The following CD109 variants were observed in gnomAD, a reference collection of about 807,000 sequenced individuals.
CD109 encodes CD109 antigen.
A neutral mutation model predicts 165.8 loss-of-function variants in CD109; 149 were observed. The observed-to-expected ratio is 0.90, with a 90% CI of 0.79 to 1.03. The LOEUF is 1.03. Among genes scored for constraint, CD109 ranks in the 50% least tolerant of loss-of-function variants. CD109 has a pLI of 0.00. For synonymous variants in CD109, 585 were observed against 592.1 expected, an observed-to-expected ratio of 0.99 and a Z score of 0.18; for missense variants, 1,712 against 1,677.8, an observed-to-expected ratio of 1.02 and a Z score of -0.36.
chr6:73,699,247 C>A (rs1770968653), intron 2 of CD109, among the ~76,000 whole-genome samples: 1 of 152,046 alleles, frequency 6.6e-6, no homozygotes, highest in South Asian at 2.1e-4. Flanking sequence ...AAAAAACCAC[C>A]TATTGGGTAC....
chr6:73,788,682 T>C (rs1774794782), intron 22 of CD109, 70 bp downstream of exon 22: 5 of 1,391,300 alleles, frequency 3.6e-6, no homozygotes, highest in Admixed American at 5.1e-5. Flanking sequence ...CTTGTAATTA[T>C]AGATGTATTT....
chr6:73,766,048 A>T lies in CD109; in HGVS notation c.1226A>T (p.Asn409Ile). The change falls in exon 11 of 33, where the codon AAT (asparagine) becomes ATT (isoleucine). Residue 409 changes from asparagine to isoleucine, a missense_variant. By Grantham distance (149) the Asn-to-Ile change is moderately radical. Coordinates refer to ENST00000287097, the MANE Select transcript of CD109 (RefSeq NM_133493.5). The part of the protein sequence containing the change: ...TEYWSGSNSG[N>I]QKMEAVQKIN... ...TACTGGAGCGGATCTAACAGTGGAA[A>T]TCAGAAAATGGAAGCTGTTCAGAAA... 6.2e-7 allele frequency: 1 copy of T among 1,614,076 alleles called. No homozygotes were observed. The highest frequency in any genetic ancestry group is 2.2e-5 in the East Asian group (1 of 44,872).
In CD109 at chr6:73,697,542, G is replaced by GCCT; in HGVS notation, c.217_218insCCT (p.Val73delinsAlaPhe). 6.2e-7 allele frequency: 1 copy of GCCT among 1,614,052 alleles called. No homozygotes were observed. Among genetic ancestry groups the GCCT allele is most frequent in the Non-Finnish European group, 8.5e-7 (1 of 1,179,976 alleles). ...GACAGCATCAAACCTCACTGTCTCT[G>GCCT]TCCTGGAAGCAGAAGGAGTCTTTGA... On this transcript the variant is annotated protein_altering_variant, in exon 2 of 33. Transcript: ENST00000287097.
chr6:73,756,100 T>C (rs1773380270), intron 5 of CD109, among the ~76,000 whole-genome samples: 1 of 152,206 alleles, frequency 6.6e-6, no homozygotes, highest in African/African-American at 2.4e-5. Context: ...CCACATAGGA[T>C]GTATTGATTT....
At chr6:73,727,912 T>C (rs575891558) in intron 3 of CD109, among the ~76,000 whole-genome samples, 2 of 152,238 alleles carry the variant, frequency 1.3e-5, no homozygotes, top group East Asian at 3.9e-4. Flanking sequence ...CTTGAGAAAA[T>C]AGAATTTAAG....
intron 25 of CD109, 65 bp from the exon 26 acceptor site, chr6:73,808,018 T>G: frequency 6.9e-7 from 1 of 1,443,796 alleles, no homozygotes; most frequent in Non-Finnish European, 9.5e-7. Flanking sequence ...TCAAAGTACT[T>G]TTTGTTTCAG....
At chr6:73,820,302 G>C (rs1318702677) in intron 31 of CD109, among the ~76,000 whole-genome samples, 159 bp from the exon 32 acceptor site, 2 of 152,178 alleles carry the variant, frequency 1.3e-5, no homozygotes, top group African/African-American at 2.4e-5. Flanking sequence ...AGTTAAATAA[G>C]ATAGTTCATA....
chr6:73,784,947 G>A (rs1010573231), intron 19 of CD109, among the ~76,000 whole-genome samples: 8 of 152,152 alleles, frequency 5.3e-5, no homozygotes, highest in African/African-American at 1.9e-4. Flanking sequence ...TGAAAGAAGA[G>A]CAAATTGCTT....
upstream of CD109, among the ~76,000 whole-genome samples, chr6:73,693,694 G>A (rs1770729174): frequency 6.6e-6 from 1 of 152,154 alleles, no homozygotes; most frequent in Middle Eastern, 3.4e-3. Flanking sequence ...TTTATTACAG[G>A]TATGTGCCAC....
intron 3 of CD109, among the ~76,000 whole-genome samples, chr6:73,729,615 C>T (rs534592161): frequency 2.0e-5 from 3 of 151,784 alleles, no homozygotes; most frequent in South Asian, 2.1e-4. Context: ...CATGTTCAAG[C>T]GATTCTCCTG....
chr6:73,789,101 G>A (rs180783433), intron 22 of CD109, among the ~76,000 whole-genome samples: 138 of 152,298 alleles, frequency 9.1e-4, no homozygotes, highest in Middle Eastern at 6.8e-3. Context: ...TACTAAGTCA[G>A]AATCACTTGG....
At chr6:73,748,679 A>C (rs982048199) in intron 5 of CD109, among the ~76,000 whole-genome samples, 1 of 152,234 alleles carries the variant, frequency 6.6e-6, no homozygotes, top group Non-Finnish European at 1.5e-5. Context: ...TGGGGTAGGA[A>C]CTGGACACCT....
intron 2 of CD109, among the ~76,000 whole-genome samples, chr6:73,701,735 C>T (rs1771089206): frequency 6.6e-6 from 1 of 152,130 alleles, no homozygotes; most frequent in Non-Finnish European, 1.5e-5. Flanking sequence ...TATAACCTTT[C>T]TCCCTCATTA....
intron 5 of CD109, among the ~76,000 whole-genome samples, chr6:73,744,093 G>T (rs58848063): frequency 1.3e-5 from 2 of 152,202 alleles, no homozygotes; most frequent in Non-Finnish European, 2.9e-5. Flanking sequence ...TAAAAGTTAA[G>T]TAGCATCAGG....
chr6:73,783,797 T>G lies in CD109; in HGVS notation c.2196T>G (p.Gly732=), dbSNP rs1774591537. The change falls in exon 19 of 33, where the codon GGT becomes GGG. Residue 732 remains glycine, a synonymous_variant. Coordinates refer to ENST00000287097, the MANE Select transcript of CD109 (RefSeq NM_133493.5). ...ATGFVISEDL[G]LGLTTTPVEL... ...GTTTTGTGATCTCTGAGGACCTGGG[T>G]CTTGGACTAACAACTACTCCAGTGG... The G allele has an allele frequency of 6.2e-7, 1 of 1,607,900 alleles. No homozygotes were observed. The highest frequency in any genetic ancestry group is 8.5e-7 in the Non-Finnish European group (1 of 1,174,744).
Position 73,763,614 on chromosome 6 carries a change from C to A in CD109, c.1036C>A (p.Gln346Lys). ...TGTAAGCACTAATGTGTTCTTCAAG[C>A]AACATGATTACATCATTGAGTTTTT... ...RNVSTNVFFK[Q>K]HDYIIEFFDY... Residue 346 changes from glutamine (Q) to lysine (K), a missense_variant, in exon 10 of 33, where the codon CAA becomes AAA. Transcript: ENST00000287097. 2 of 1,593,126 alleles carry A rather than the reference C, an allele frequency of 1.3e-6. No homozygotes were observed. The highest frequency in any genetic ancestry group is 1.7e-6 in the Non-Finnish European group (2 of 1,168,084).
At chr6:73,703,043 A>G (rs186384573) in intron 2 of CD109, among the ~76,000 whole-genome samples, 2 of 152,210 alleles carry the variant, frequency 1.3e-5, no homozygotes, top group African/African-American at 4.8e-5. Context: ...TAACAACTTG[A>G]TGAAGTAGAT....
intron 14 of CD109, 147 bp from the exon 15 acceptor site, chr6:73,771,282 A>G (rs1038252486): frequency 6.4e-5 from 36 of 564,634 alleles, no homozygotes; most frequent in Non-Finnish European, 9.6e-5. Context: ...TCCTTTCCCT[A>G]GAGAAGGGTT....
intron 29 of CD109, among the ~76,000 whole-genome samples, chr6:73,812,812 A>G (rs558640256): frequency 2.6e-5 from 4 of 152,234 alleles, no homozygotes; most frequent in South Asian, 2.1e-4. Flanking sequence ...TAAGATAATC[A>G]TCACACTAAA....
Sources: allele counts gnomAD v4.1 joint callset (sites outside exome capture counted in the v4.1 genomes callset), GRCh38; gene constraint gnomAD v4.1.1; transcripts MANE v1.5; gene names NCBI Gene and HGNC (gene_info 2026-07-23, HGNC 2026-07-21).